The following CBFA2T3 variants were observed in gnomAD, a reference collection of about 807,000 sequenced individuals.
The protein encoded by CBFA2T3 is CBFA2/RUNX1 partner transcriptional co-repressor 3.
Under a neutral mutation model 58.6 loss-of-function variants are expected in CBFA2T3, and 31 were observed. The ratio of observed to expected loss-of-function variants is 0.53; its 90% CI spans 0.40 to 0.71. The LOEUF (loss-of-function observed/expected upper bound fraction) is 0.71, where lower values mean the gene tolerates loss of function less well. Among genes scored for constraint, CBFA2T3 ranks in the 30% least tolerant of loss-of-function variants. The probability of loss-of-function intolerance (pLI) is 0.00; values close to 1 mark genes in which losing one functional copy is unlikely to be tolerated. For missense variants in CBFA2T3, 1,076 were observed against 963.1 expected (o/e 1.12, Z -1.55); for synonymous variants, 531 against 421.9 (o/e 1.26, Z -3.17).
rs1418250642 is a variant in CBFA2T3 at position 88,876,727 on chromosome 16, T to C, written c.*249A>G. 9.6e-5 allele frequency: 42 copies of C among 436,994 alleles called. No individual in the cohort carries two copies. In the East Asian group the frequency reaches 1.4e-3, roughly 15 times the overall value. 27.1% of individuals were successfully genotyped at this position (436,994 alleles called of 1,614,324 possible). Reference sequence around the variant, plus strand: ...GCTTCTGAGGATGCTTGAAGAGACGTTGTCAGGAGGTCTCCGCGCGGAATC... The same window carrying C: ...GCTTCTGAGGATGCTTGAAGAGACGCTGTCAGGAGGTCTCCGCGCGGAATC... On this transcript the variant is annotated 3_prime_UTR_variant, in exon 12 of 12. Transcript: ENST00000268679.
At position 88,892,410 on chromosome 16, in the gene CBFA2T3, G is replaced by C. The variant is rs376245705; in HGVS notation, c.455C>G (p.Pro152Arg). 6.2e-7 allele frequency: 1 copy of C among 1,613,466 alleles called. No homozygotes were observed. The highest frequency in any genetic ancestry group is 1.3e-5 in the African/African-American group (1 of 74,940). ...PCTPNGFSNG[P>R]ATSSTASLST... ...CAAGGAGGCTGTGGACGAGGTGGCCGGGCCATTGCTGAAGCCGTTGGGTGT... is the reference window on the plus strand; with the variant it reads ...CAAGGAGGCTGTGGACGAGGTGGCCCGGCCATTGCTGAAGCCGTTGGGTGT... Residue 152 changes from proline to arginine, a missense_variant, in exon 4 of 12, where the codon CCG becomes CGG. By Grantham distance (103) the Pro-to-Arg change is moderately radical. Transcript: ENST00000268679.
chr16:88,963,277 G>A (rs561142921), intron 1 of CBFA2T3, among the ~76,000 whole-genome samples: 7 of 149,918 alleles, frequency 4.7e-5, no homozygotes, highest in South Asian at 4.2e-4. Context: ...GTGGGCGCTC[G>A]TCTTCTGCCA....
At chr16:88,899,693 G>T (rs1567591935) in intron 2 of CBFA2T3, among the ~76,000 whole-genome samples, 1 of 152,252 alleles carries the variant, frequency 6.6e-6, no homozygotes, top group Non-Finnish European at 1.5e-5. Flanking sequence ...GCAGGTGGGG[G>T]AGACGCACCC....
In CBFA2T3 at chr16:88,882,468, TGGGGGTGGCTGTGTGTGACTGCAC is replaced by T. The variant is rs1277219256; in HGVS notation, c.1203+184_1203+207del. Among the ~76,000 whole-genome samples, 3 of 140,078 alleles carry T rather than the reference TGGGGGTGGCTGTGTGTGACTGCAC, an allele frequency of 2.1e-5. No homozygotes were observed. In the East Asian group the frequency reaches 6.4e-4, roughly 30 times the overall value. The allele number at this position is 140,078 out of a possible 152,430, so 91.9% of individuals were successfully genotyped here. A position where few individuals can be genotyped will look rare whatever the true frequency, so the allele number is the denominator to read the frequency against. ...GTGTGCGTGGGCGTGGCTGTGTGCG[TGGGGGTGGCTGTGTGTGACTGCAC>T]GGGCGTGGCTGTGGCTGTGTGGGCG... On this transcript the variant is annotated intron_variant, in intron 8 of 11. Coordinates refer to ENST00000268679, the MANE Select transcript of CBFA2T3 (RefSeq NM_005187.6).
intron 1 of CBFA2T3, among the ~76,000 whole-genome samples, chr16:88,968,506 G>A (rs1039715645): frequency 2.0e-5 from 3 of 152,266 alleles, no homozygotes; most frequent in African/African-American, 7.2e-5. Flanking sequence ...GAAGCCCCTG[G>A]GGGCCGAGAG....
chr16:88,927,227 G>C (rs562511819), intron 1 of CBFA2T3, among the ~76,000 whole-genome samples: 2 of 152,340 alleles, frequency 1.3e-5, no homozygotes, highest in East Asian at 1.9e-4. Context: ...GCGTGGCTCA[G>C]AGATGTCAGC....
chr16:88,944,085 C>G (rs1406655433), intron 1 of CBFA2T3, among the ~76,000 whole-genome samples: 1 of 152,100 alleles, frequency 6.6e-6, no homozygotes, highest in Non-Finnish European at 1.5e-5. Flanking sequence ...CGCCTGTAGT[C>G]CCAGCACTTT....
intron 1 of CBFA2T3, among the ~76,000 whole-genome samples, chr16:88,918,166 G>T (rs574128034): frequency 6.6e-6 from 1 of 152,136 alleles, no homozygotes; most frequent in Non-Finnish European, 1.5e-5. Flanking sequence ...CAGGACCCTG[G>T]GCCGGGGATG....
intron 5 of CBFA2T3, among the ~76,000 whole-genome samples, chr16:88,889,592 C>T (rs1969541002): frequency 6.6e-6 from 1 of 152,008 alleles, no homozygotes; most frequent in African/African-American, 2.4e-5. Flanking sequence ...CCCAGAGCCT[C>T]AGTTTCCCCA....
chr16:88,883,709 C>T (rs1490457895), intron 7 of CBFA2T3: 1 of 148,200 alleles, frequency 6.7e-6, no homozygotes, highest in Admixed American at 6.8e-5. Context: ...GGCCGACTTC[C>T]ACGGTGGCTG....
Position 88,949,728 on chromosome 16 carries a change from G to T in CBFA2T3, c.151+26929C>A, listed in dbSNP as rs559520128. On this transcript the variant is annotated intron_variant, in intron 1 of 11. Transcript: ENST00000268679. ...AAATCCCACAAGAAGAAAACAAAAG[G>T]GACCAGACACAGTAGCTCACGCCTG... Among the ~76,000 whole-genome samples, 3 of 151,590 alleles carry T rather than the reference G, an allele frequency of 2.0e-5. No homozygotes were observed. The East Asian group carries it at 5.9e-4, about 30-fold the overall frequency.
At chr16:88,934,227 C>T (rs1971420618) in intron 1 of CBFA2T3, among the ~76,000 whole-genome samples, 1 of 151,540 alleles carries the variant, frequency 6.6e-6, no homozygotes, top group Non-Finnish European at 1.5e-5. Context: ...AGAAGGGCTG[C>T]CCCATGCCCC....
intron 1 of CBFA2T3, among the ~76,000 whole-genome samples, chr16:88,960,373 T>G (rs778437362): frequency 1.3e-5 from 2 of 152,346 alleles, no homozygotes; most frequent in East Asian, 3.9e-4. Context: ...TGTTTGAAGA[T>G]AGCAGAGAAG....
chr16:88,914,468 G>A (rs995799792), intron 1 of CBFA2T3, among the ~76,000 whole-genome samples: 7 of 152,234 alleles, frequency 4.6e-5, no homozygotes, highest in Admixed American at 2.0e-4. Flanking sequence ...TCAACAAGGC[G>A]ACAAAGCATG....
intron 1 of CBFA2T3, among the ~76,000 whole-genome samples, chr16:88,921,714 T>A (rs1013705873): frequency 1.1e-4 from 16 of 152,166 alleles, no homozygotes; most frequent in African/African-American, 3.9e-4. Context: ...GGAATTAGGA[T>A]CCTGTCAGCT....
rs927690506 is a variant in CBFA2T3 at position 88,964,356 on chromosome 16, C to G, written c.151+12301G>C. Among the ~76,000 whole-genome samples the G allele has an allele frequency of 5.3e-5, 8 of 152,376 alleles. 1 individual carries two copies. The Middle Eastern group carries it at 0.017, about 324-fold the overall frequency. On this transcript the variant is annotated intron_variant, in intron 1 of 11. Transcript: ENST00000268679. ...AAAAATCACGTTGACTTCTGGCCCT[C>G]CTGGTGTTAGCCAGGCTGCCAAGGG...
chr16:88,947,661 C>T (rs1012065179), intron 1 of CBFA2T3, among the ~76,000 whole-genome samples: 1 of 152,190 alleles, frequency 6.6e-6, no homozygotes. Context: ...CACCTGTAAT[C>T]CCAATGCTTT....
Position 88,876,611 on chromosome 16 carries a change from CAG to C in CBFA2T3, c.*363_*364del, listed in dbSNP as rs761453963. 16 of 287,690 alleles carry C rather than the reference CAG, an allele frequency of 5.6e-5. No individual in the cohort carries two copies. Among genetic ancestry groups the C allele is most frequent in the Non-Finnish European group, 8.4e-5 (13 of 155,452 alleles). 17.8% of individuals were successfully genotyped at this position (287,690 alleles called of 1,614,324 possible). A position where few individuals can be genotyped will look rare whatever the true frequency, so the allele number is the denominator to read the frequency against. On this transcript the variant is annotated 3_prime_UTR_variant, in exon 12 of 12. Transcript: ENST00000268679. ...ATAGAGAGAGAGAGGATAGAGAAGA[CAG>C]AGGGGGAGAGACAGACAGAGAGGAA... is the stretch of plus-strand genomic sequence containing the variant.
rs1008427343 is a variant in CBFA2T3, at chr16:88,936,487, C to T, written c.152-34831G>A. Among the ~76,000 whole-genome samples, 13 of 151,682 alleles carry T rather than the reference C, an allele frequency of 8.6e-5. No individual in the cohort carries two copies. In the East Asian group the frequency reaches 1.2e-3, roughly 14 times the overall value. ...CTCAGGGGCAGCCGAGTATCCACCA[C>T]GACCCCAGCCTCAGGGGCAGCCGAG... On this transcript the variant is annotated intron_variant, in intron 1 of 11. Transcript: ENST00000268679.
Sources: gnomAD v4.1 joint callset for allele counts (sites outside exome capture counted in the v4.1 genomes callset) on GRCh38, gnomAD v4.1.1 for gene constraint, MANE v1.5 for transcripts, NCBI Gene and HGNC (gene_info 2026-07-23, HGNC 2026-07-21) for gene names.